Variants in ANKS1B observed in about 807,000 individuals in gnomAD.
ANKS1B encodes ankyrin repeat and sterile alpha motif domain containing 1B.
ANKS1B carries 36 observed loss-of-function variants against 148.3 expected under a neutral mutation model. That is an observed-to-expected ratio of 0.24 (90% confidence interval 0.19 to 0.32). The LOEUF (loss-of-function observed/expected upper bound fraction) is 0.32, where lower values mean the gene tolerates loss of function less well. Among genes scored for constraint, ANKS1B ranks in the 10% least tolerant of loss-of-function variants. ANKS1B has a pLI of 1.00. For synonymous variants in ANKS1B, 542 were observed against 560.8 expected (o/e 0.97, Z 0.47); for missense variants, 1,157 against 1,542.6 (o/e 0.75, Z 4.19).
intron 17 of ANKS1B, among the ~76,000 whole-genome samples, chr12:99,016,605 G>A (rs1332471437): frequency 3.3e-5 from 5 of 152,104 alleles, no homozygotes; most frequent in South Asian, 2.1e-4. Flanking sequence ...GCAGTGAGCC[G>A]AGATCATGCC....
chr12:98,756,878 C>T (rs2098260818), intron 25 of ANKS1B, among the ~76,000 whole-genome samples: 3 of 151,744 alleles, frequency 2.0e-5, no homozygotes, highest in Admixed American at 2.0e-4. Context: ...CAGGCGCCCA[C>T]CACCACGCCT....
chr12:99,894,786 T>TCCAACAATATATTGTTGGATATAATAA (rs2093322693), intron 1 of ANKS1B, among the ~76,000 whole-genome samples: 1 of 148,414 alleles, frequency 6.7e-6, no homozygotes, highest in African/African-American at 2.5e-5. Context: ...ATAATAATAA[T>TCCAACAATATATTGTTGGATATAATAA]ATATCCAACA....
At chr12:99,423,972 T>G (rs1303900749) in intron 11 of ANKS1B, among the ~76,000 whole-genome samples, 1 of 152,134 alleles carries the variant, frequency 6.6e-6, no homozygotes, top group Non-Finnish European at 1.5e-5. Flanking sequence ...CCTGCACATG[T>G]ACCTCTGAAC....
chr12:99,573,654 T>G (rs1277663158), intron 9 of ANKS1B, among the ~76,000 whole-genome samples: 2 of 151,884 alleles, frequency 1.3e-5, no homozygotes, highest in African/African-American at 4.8e-5. Flanking sequence ...CCTTCTTTCT[T>G]CTCCAGCACA....
chr12:98,754,810 G>T (rs1199757430), intron 25 of ANKS1B, among the ~76,000 whole-genome samples: 2 of 152,188 alleles, frequency 1.3e-5, no homozygotes, highest in Non-Finnish European at 2.9e-5. Context: ...TTTTTAATTA[G>T]TTCCTGGTAT....
At chr12:99,657,416 T>C (rs1848786992) in intron 8 of ANKS1B, among the ~76,000 whole-genome samples, 2 of 151,916 alleles carry the variant, frequency 1.3e-5, no homozygotes, top group Admixed American at 6.6e-5. Context: ...ATAAAAGAGG[T>C]ATATTTGGTG....
At chr12:98,941,420 G>A (rs73382442) in intron 17 of ANKS1B, among the ~76,000 whole-genome samples, 1 of 152,158 alleles carries the variant, frequency 6.6e-6, no homozygotes, top group African/African-American at 2.4e-5. Context: ...CTTGTTTACA[G>A]TATGAGAGCT....
intron 1 of ANKS1B, among the ~76,000 whole-genome samples, chr12:99,858,216 G>C (rs1056415564): frequency 1.3e-5 from 2 of 152,132 alleles, no homozygotes; most frequent in African/African-American, 4.8e-5. Context: ...CCATCAAAAA[G>C]TGGGCTAAGG....
chr12:99,423,335 C>CA (rs2095152222), intron 11 of ANKS1B, among the ~76,000 whole-genome samples: 1 of 152,082 alleles, frequency 6.6e-6, no homozygotes, highest in African/African-American at 2.4e-5. Flanking sequence ...CAAAAAATAA[C>CA]AGATGTTGGC....
intron 17 of ANKS1B, among the ~76,000 whole-genome samples, chr12:98,920,162 C>T (rs2099799551): frequency 6.6e-6 from 1 of 152,160 alleles, no homozygotes; most frequent in African/African-American, 2.4e-5. Flanking sequence ...AGAAACATGA[C>T]CACAATATCT....
chr12:99,214,649 C>A (rs2083876815), intron 14 of ANKS1B, among the ~76,000 whole-genome samples: 1 of 152,134 alleles, frequency 6.6e-6, no homozygotes, highest in South Asian at 2.1e-4. Context: ...AGTCTCATAG[C>A]AGTATGAAAA....
At chr12:99,638,112 T>TGTGCCA (rs2098260811) in intron 9 of ANKS1B, among the ~76,000 whole-genome samples, 1 of 152,128 alleles carries the variant, frequency 6.6e-6, no homozygotes, top group Non-Finnish European at 1.5e-5. Flanking sequence ...TTGTTTCCCT[T>TGTGCCA]TCTGCCACGA....
intron 17 of ANKS1B, among the ~76,000 whole-genome samples, chr12:99,003,281 T>C (rs2099934096): frequency 6.6e-6 from 1 of 152,240 alleles, no homozygotes; most frequent in African/African-American, 2.4e-5. Context: ...CCTCTAGCTT[T>C]GTTCTTTCTC....
intron 4 of ANKS1B, among the ~76,000 whole-genome samples, chr12:99,801,095 C>G (rs2066892708): frequency 6.6e-6 from 1 of 152,208 alleles, no homozygotes; most frequent in Non-Finnish European, 1.5e-5. Flanking sequence ...GAGTATATTT[C>G]TCTTCCTCTT....
At chr12:99,029,041 G>A (rs1284580104) in intron 17 of ANKS1B, among the ~76,000 whole-genome samples, 1 of 152,164 alleles carries the variant, frequency 6.6e-6, no homozygotes. Context: ...AGAAACCAGA[G>A]AAAAATCTAA....
intron 8 of ANKS1B, among the ~76,000 whole-genome samples, chr12:99,673,387 T>C (rs1410675639): frequency 1.3e-5 from 2 of 152,046 alleles, no homozygotes; most frequent in Admixed American, 6.6e-5. Context: ...GTAAATCAGA[T>C]ACTTTGTTTT....
At chr12:99,770,820 A>G (rs900230200) in intron 8 of ANKS1B, among the ~76,000 whole-genome samples, 4 of 152,134 alleles carry the variant, frequency 2.6e-5, no homozygotes, top group Non-Finnish European at 5.9e-5. Context: ...ACTCATATAT[A>G]CCATCTGCTT....
intron 17 of ANKS1B, among the ~76,000 whole-genome samples, chr12:98,953,555 T>TTTTTTTTC (rs2099857502): frequency 7.1e-6 from 1 of 141,412 alleles, no homozygotes; most frequent in African/African-American, 2.7e-5. Flanking sequence ...TTTTTTTTTT[T>TTTTTTTTC]TTTTTTTTTT....
At chr12:98,805,049 C>G (rs1260658742) in intron 20 of ANKS1B, among the ~76,000 whole-genome samples, 1 of 152,140 alleles carries the variant, frequency 6.6e-6, no homozygotes, top group Non-Finnish European at 1.5e-5. Context: ...GGGTAGAATT[C>G]TGTCATATTT....
Sources: allele counts gnomAD v4.1 joint callset (sites outside exome capture counted in the v4.1 genomes callset), GRCh38; gene constraint gnomAD v4.1.1; transcripts MANE v1.5; gene names NCBI Gene and HGNC (gene_info 2026-07-23, HGNC 2026-07-21).